RFTN2: variants seen among roughly 807,000 people sequenced by gnomAD.
RFTN2 encodes the protein raftlin family member 2, also known as raftlin-2.
RFTN2 carries 34 observed loss-of-function variants against 52.7 expected under a neutral mutation model. That is an observed-to-expected ratio of 0.64 (90% CI 0.49 to 0.86). The LOEUF (loss-of-function observed/expected upper bound fraction) is 0.86. RFTN2 is among the 40% of genes least tolerant of loss of function. The pLI is 0.00. For synonymous variants in RFTN2, 203 were observed against 217.7 expected, an observed-to-expected ratio of 0.93 and a Z score of 0.59; for missense variants, 536 against 600.1, an observed-to-expected ratio of 0.89 and a Z score of 1.12.
intron 1 of RFTN2, among the ~76,000 whole-genome samples, chr2:197,674,454 A>G (rs1275329330): frequency 6.6e-6 from 1 of 151,816 alleles, no homozygotes; most frequent in Non-Finnish European, 1.5e-5. Flanking sequence ...GAATTGATAA[A>G]ATGTGTGGCT....
rs144053154 is a variant in RFTN2 at position 197,608,879 on chromosome 2, G to A, written c.1154+6997C>T. ...CTCCCACTTATTAGTGAGAACATGC[G>A]ATGTTTGGTTTTCTCTTCTTGTGTT... is the stretch of plus-strand genomic sequence containing the variant. On this transcript the variant is annotated intron_variant, in intron 7 of 8. Transcript: ENST00000295049. 3.8e-3 allele frequency among the ~76,000 whole-genome samples: 581 copies of A among 152,022 alleles called. 5 individuals carry two copies. Among genetic ancestry groups the A allele is most frequent in the African/African-American group, 0.013 (540 of 41,442 alleles).
chr2:197,582,309 C>T (rs543978161), intron 8 of RFTN2, among the ~76,000 whole-genome samples: 1 of 152,222 alleles, frequency 6.6e-6, no homozygotes, highest in Non-Finnish European at 1.5e-5. Flanking sequence ...CCCACAATTA[C>T]CATTGTTCCT....
chr2:197,601,721 A>T (rs2087884436), intron 7 of RFTN2, among the ~76,000 whole-genome samples: 1 of 152,170 alleles, frequency 6.6e-6, no homozygotes, highest in Non-Finnish European at 1.5e-5. Flanking sequence ...TTTATTTAGC[A>T]TCCTAAATTA....
intron 2 of RFTN2, among the ~76,000 whole-genome samples, chr2:197,645,785 G>A (rs2088739111): frequency 6.6e-6 from 1 of 152,218 alleles, no homozygotes; most frequent in Admixed American, 6.5e-5. Flanking sequence ...AGTACTTTGG[G>A]AGGCCAAGGT....
chr2:197,646,908 A>AAC (rs574087591), intron 1 of RFTN2, among the ~76,000 whole-genome samples: 2,163 of 104,524 alleles, frequency 0.021, 63 homozygotes, highest in African/African-American at 0.06. Flanking sequence ...AAAAAAAAAA[A>AAC]AAAAAAAAAA....
intron 8 of RFTN2, among the ~76,000 whole-genome samples, chr2:197,577,836 A>G (rs2087443844): frequency 6.6e-6 from 1 of 152,204 alleles, no homozygotes; most frequent in Non-Finnish European, 1.5e-5. Context: ...CTCCTGCCTC[A>G]GCCTCCAGAG....
chr2:197,643,586 C>T (rs758083593), intron 3 of RFTN2, among the ~76,000 whole-genome samples: 21 of 152,076 alleles, frequency 1.4e-4, no homozygotes, highest in East Asian at 5.8e-4. Context: ...CCATTTAAGA[C>T]GGCATATTAC....
chr2:197,618,614 C>A (rs1241107229), intron 5 of RFTN2, among the ~76,000 whole-genome samples: 1 of 151,624 alleles, frequency 6.6e-6, no homozygotes, highest in African/African-American at 2.4e-5. Context: ...TGTCTCTGCC[C>A]GGCCACCATC....
chr2:197,617,704 C>T (rs2088167899), intron 6 of RFTN2, 96 bp downstream of exon 6: 2 of 470,250 alleles, frequency 4.3e-6, no homozygotes, highest in East Asian at 9.0e-5. Context: ...CAAAAACAAA[C>T]AAACAAACAA....
Position 197,601,674 on chromosome 2 carries a change from T to C in RFTN2, c.1155-5605A>G, listed in dbSNP as rs564016130. ...TCTGACTAGAAAACTTTATAATTAG[T>C]GGATAAGTCTAAGCTTATTTTACCA... On this transcript the variant is annotated intron_variant, in intron 7 of 8. Transcript: ENST00000295049. Among the ~76,000 whole-genome samples, 23 of 152,270 alleles carry C rather than the reference T, an allele frequency of 1.5e-4. No homozygotes were observed. In the South Asian group the frequency reaches 4.8e-3, roughly 32 times the overall value.
At chr2:197,638,691 C>T (rs1416551435) in intron 3 of RFTN2, among the ~76,000 whole-genome samples, 1 of 148,356 alleles carries the variant, frequency 6.7e-6, no homozygotes, top group African/African-American at 2.5e-5. Context: ...GACTCTTTAT[C>T]CAATTTGCCA....
In RFTN2 at chr2:197,644,261, G is replaced by T; in HGVS notation, c.335C>A (p.Ser112Ter). The change falls in exon 3 of 9, where the codon TCG (serine) becomes TAG (stop). Residue 112 changes from serine to a stop codon, truncating the protein, a stop_gained. Transcript: ENST00000295049. LOFTEE classifies it high-confidence loss of function. ...GCGTCTTTGTCCACTGGGTGCTGCC[G>T]AATTCTTTGGGCTGTAACAGAGGGA... ...LLRLKLSPKNSAAPSGQRRPR... is the reference protein window; with the variant it reads ...LLRLKLSPKN The T allele has an allele frequency of 6.3e-7, 1 of 1,591,146 alleles. No individual in the cohort carries two copies. Among genetic ancestry groups the T allele is most frequent in the South Asian group, 1.1e-5 (1 of 90,564 alleles).
intron 5 of RFTN2, among the ~76,000 whole-genome samples, chr2:197,622,634 A>G (rs1335228664): frequency 1.3e-5 from 2 of 152,176 alleles, no homozygotes; most frequent in Admixed American, 1.3e-4. Flanking sequence ...GCGTCAGTAA[A>G]ACAACCTTAC....
intron 5 of RFTN2, among the ~76,000 whole-genome samples, chr2:197,622,376 C>G (rs2088279851): frequency 6.6e-6 from 1 of 152,172 alleles, no homozygotes; most frequent in Admixed American, 6.5e-5. Flanking sequence ...ATGATCTTGG[C>G]TCACTGCAAC....
chr2:197,598,412 G>GTGTGATCC (rs2087825202), intron 7 of RFTN2, among the ~76,000 whole-genome samples: 1 of 152,228 alleles, frequency 6.6e-6, no homozygotes, highest in Admixed American at 6.5e-5. Flanking sequence ...TGTTCCAGGT[G>GTGTGATCC]TGTGATCCAG....
rs72916913 is a variant in RFTN2, at chr2:197,621,750, A to G, written c.929-3829T>C. ...GCCCCCATTCCCTGAAATTAGGCCAATTAATAACCCCGAAATAGCCTCTAG... is the reference window on the plus strand; with the variant it reads ...GCCCCCATTCCCTGAAATTAGGCCAGTTAATAACCCCGAAATAGCCTCTAG... On this transcript the variant is annotated intron_variant, in intron 5 of 8. Transcript: ENST00000295049. 5.2e-3 allele frequency among the ~76,000 whole-genome samples: 796 copies of G among 152,228 alleles called. 2 individuals are homozygous for G. The highest frequency in any genetic ancestry group is 7.6e-3 in the Non-Finnish European group (514 of 68,026).
Position 197,646,465 on chromosome 2 carries a change from C to A in RFTN2, c.323+18G>T. ...AACTGTCACCCTCACCTGCCTCTTTCTTGAATAGTGTGCTTACCTTAATTT... is the reference window on the plus strand; with the variant it reads ...AACTGTCACCCTCACCTGCCTCTTTATTGAATAGTGTGCTTACCTTAATTT... On this transcript the variant is annotated intron_variant, in intron 2 of 8. Transcript: ENST00000295049. 6.3e-7 allele frequency: 1 copy of A among 1,599,186 alleles called. No homozygotes were observed. The highest frequency in any genetic ancestry group is 8.5e-7 in the Non-Finnish European group (1 of 1,172,278).
At chr2:197,593,559 T>C (rs1425166762) in intron 8 of RFTN2, among the ~76,000 whole-genome samples, 2 of 152,054 alleles carry the variant, frequency 1.3e-5, no homozygotes, top group East Asian at 3.9e-4. Flanking sequence ...CTGATGATTT[T>C]TTCCTAAAAA....
chr2:197,655,041 C>T (rs1386326946), intron 1 of RFTN2, among the ~76,000 whole-genome samples: 1 of 152,006 alleles, frequency 6.6e-6, no homozygotes, highest in Non-Finnish European at 1.5e-5. Context: ...AAACAAAAAA[C>T]TATACAAACA....
Sources: gnomAD v4.1 joint callset for allele counts (sites outside exome capture counted in the v4.1 genomes callset) on GRCh38, gnomAD v4.1.1 for gene constraint, MANE v1.5 for transcripts, NCBI Gene and HGNC (gene_info 2026-07-23, HGNC 2026-07-21) for gene names.